The following CNTNAP2 variants were observed in gnomAD, a reference collection of about 807,000 sequenced individuals.
The protein encoded by CNTNAP2 is contactin-associated protein-like 2.
CNTNAP2 carries 98 observed loss-of-function variants against 155.2 expected under a neutral mutation model. The ratio of observed to expected loss-of-function variants is 0.63; its 90% confidence interval spans 0.54 to 0.75. CNTNAP2 has a LOEUF of 0.75. Ranked by LOEUF, CNTNAP2 falls within the 30% of genes least tolerant of loss-of-function variation. The probability of loss-of-function intolerance (pLI) is 0.00; values close to 1 mark genes in which losing one functional copy is unlikely to be tolerated. For synonymous variants in CNTNAP2, 651 were observed against 631.2 expected, an observed-to-expected ratio of 1.03 and a Z score of -0.47; for missense variants, 1,727 against 1,688.1, an observed-to-expected ratio of 1.02 and a Z score of -0.40.
intron 3 of CNTNAP2, among the ~76,000 whole-genome samples, chr7:146,840,957 T>A (rs901549707): frequency 2.0e-5 from 3 of 152,198 alleles, no homozygotes; most frequent in Non-Finnish European, 2.9e-5. Flanking sequence ...TTAGGATGTA[T>A]AAGTTACGGA....
chr7:147,664,195 T>G (rs889957092), intron 13 of CNTNAP2, among the ~76,000 whole-genome samples: 3 of 152,210 alleles, frequency 2.0e-5, no homozygotes, highest in Admixed American at 2.0e-4. Flanking sequence ...CCTGTTTTTG[T>G]ATTTGTATTA....
chr7:147,900,457 C>T lies in CNTNAP2; in HGVS notation c.2099-3108C>T, dbSNP rs58991265. Among the ~76,000 whole-genome samples the T allele has an allele frequency of 2.6e-5, 4 of 152,258 alleles. No homozygotes were observed. In the South Asian group the frequency reaches 6.2e-4, roughly 24 times the overall value. On this transcript the variant is annotated intron_variant, in intron 13 of 23. Transcript: ENST00000361727. ...AAGACGTGCCTTGCTTACCCTTCTT[C>T]GTCTGCCATGATTGTAAGTTTTCTG...
At chr7:147,918,814 T>G (rs945679351) in intron 14 of CNTNAP2, among the ~76,000 whole-genome samples, 1 of 152,200 alleles carries the variant, frequency 6.6e-6, no homozygotes, top group African/African-American at 2.4e-5. Flanking sequence ...GGGAATGGTG[T>G]GTCTTTACCT....
intron 11 of CNTNAP2, among the ~76,000 whole-genome samples, chr7:147,535,023 C>T (rs1225774607): frequency 3.9e-5 from 6 of 152,092 alleles, no homozygotes; most frequent in Admixed American, 3.9e-4. Flanking sequence ...CGCCTACCCA[C>T]GCCCTACCCC....
intron 21 of CNTNAP2, among the ~76,000 whole-genome samples, chr7:148,290,280 T>C (rs926085195): frequency 1.1e-4 from 16 of 152,218 alleles, no homozygotes; most frequent in African/African-American, 2.9e-4. Context: ...AAAAAATCAT[T>C]GTACATAACA....
intron 1 of CNTNAP2, among the ~76,000 whole-genome samples, chr7:146,170,323 G>A (rs140159058): frequency 1.7e-3 from 252 of 152,224 alleles, no homozygotes; most frequent in African/African-American, 5.8e-3. Context: ...ACCGTGCCAG[G>A]CACAATAGTT....
chr7:146,503,597 A>G (rs1797338111), intron 1 of CNTNAP2, among the ~76,000 whole-genome samples: 1 of 152,126 alleles, frequency 6.6e-6, no homozygotes, highest in Non-Finnish European at 1.5e-5. Flanking sequence ...TTAATCCATT[A>G]TATTTGATTT....
intron 8 of CNTNAP2, among the ~76,000 whole-genome samples, chr7:147,281,747 A>G (rs1450229698): frequency 6.6e-6 from 1 of 151,984 alleles, no homozygotes; most frequent in Admixed American, 6.6e-5. Context: ...TCTTAACACA[A>G]TTACCTAATA....
chr7:147,354,776 T>A (rs745656280), intron 9 of CNTNAP2, among the ~76,000 whole-genome samples: 2 of 152,160 alleles, frequency 1.3e-5, no homozygotes, highest in Non-Finnish European at 2.9e-5. Context: ...GAGCATGGAC[T>A]GTTTTTCCAT....
intron 13 of CNTNAP2, among the ~76,000 whole-genome samples, chr7:147,793,039 A>T (rs990731514): frequency 9.9e-5 from 15 of 152,084 alleles, no homozygotes; most frequent in African/African-American, 3.4e-4. Context: ...ATTTTAATTG[A>T]ATTATTAATC....
intron 1 of CNTNAP2, among the ~76,000 whole-genome samples, chr7:146,722,092 G>A (rs1801347094): frequency 6.6e-6 from 1 of 151,090 alleles, no homozygotes; most frequent in Non-Finnish European, 1.5e-5. Flanking sequence ...TTTTCACCAT[G>A]TTGGCCAGGC....
chr7:146,392,927 A>T (rs935571802), intron 1 of CNTNAP2, among the ~76,000 whole-genome samples: 1 of 152,156 alleles, frequency 6.6e-6, no homozygotes, highest in Non-Finnish European at 1.5e-5. Context: ...GTTTTGCAAA[A>T]TATTTGAGAT....
intron 1 of CNTNAP2, among the ~76,000 whole-genome samples, chr7:146,565,057 A>ATTC (rs1798336785): frequency 6.6e-6 from 1 of 152,062 alleles, no homozygotes; most frequent in Admixed American, 6.6e-5. Flanking sequence ...CTTTCACTCT[A>ATTC]AGGCTTATTA....
intron 1 of CNTNAP2, among the ~76,000 whole-genome samples, chr7:146,687,893 G>A (rs554198718): frequency 2.6e-5 from 4 of 152,306 alleles, no homozygotes; most frequent in Admixed American, 6.5e-5. Flanking sequence ...AGCACAGGCT[G>A]TGTATGTGCA....
At chr7:147,271,894 C>A (rs1804761131) in intron 8 of CNTNAP2, among the ~76,000 whole-genome samples, 1 of 152,022 alleles carries the variant, frequency 6.6e-6, no homozygotes, top group African/African-American at 2.4e-5. Context: ...AAATTATTAT[C>A]ATTATTACTA....
At chr7:146,339,054 A>G (rs1584876926) in intron 1 of CNTNAP2, among the ~76,000 whole-genome samples, 1 of 152,096 alleles carries the variant, frequency 6.6e-6, no homozygotes, top group African/African-American at 2.4e-5. Flanking sequence ...GCGTGGTGGC[A>G]GGTGCCTGTA....
At chr7:146,571,271 A>G (rs1342871534) in intron 1 of CNTNAP2, among the ~76,000 whole-genome samples, 1 of 152,096 alleles carries the variant, frequency 6.6e-6, no homozygotes, top group Non-Finnish European at 1.5e-5. Flanking sequence ...GTATTATAAT[A>G]GGGGATCTCC....
At chr7:147,118,158 G>A (rs1801026749) in intron 5 of CNTNAP2, among the ~76,000 whole-genome samples, 1 of 152,076 alleles carries the variant, frequency 6.6e-6, no homozygotes, top group Admixed American at 6.6e-5. Context: ...ACATTTTAAA[G>A]TGATACTTTC....
chr7:147,425,403 C>G (rs576431693), intron 10 of CNTNAP2, among the ~76,000 whole-genome samples: 12 of 152,092 alleles, frequency 7.9e-5, no homozygotes, highest in African/African-American at 2.7e-4. Context: ...AGAAAGACTG[C>G]TCCTTCATGT....
Sources: gnomAD v4.1 joint callset for allele counts (sites outside exome capture counted in the v4.1 genomes callset) on GRCh38, gnomAD v4.1.1 for gene constraint, MANE v1.5 for transcripts, NCBI Gene and HGNC (gene_info 2026-07-23, HGNC 2026-07-21) for gene names.